Variants in GABRB1 observed in about 807,000 individuals in gnomAD.
GABRB1 encodes the protein gamma-aminobutyric acid receptor subunit beta-1.
In GABRB1, 17 loss-of-function variants were observed where a neutral mutation model predicts 51.6. The ratio of observed to expected loss-of-function variants is 0.33; its 90% CI spans 0.23 to 0.49. The LOEUF is 0.49. GABRB1 is among the 20% of genes least tolerant of loss of function. The probability of loss-of-function intolerance (pLI) is 0.99; values close to 1 mark genes in which losing one functional copy is unlikely to be tolerated. For synonymous variants in GABRB1, 247 were observed against 218.9 expected (o/e 1.13, Z -1.14); for missense variants, 410 against 600.6 (o/e 0.68, Z 3.32).
chr4:47,390,167 T>C (rs1020173393), intron 5 of GABRB1, among the ~76,000 whole-genome samples: 5 of 152,244 alleles, frequency 3.3e-5, no homozygotes, highest in African/African-American at 1.2e-4. Flanking sequence ...GCAACTAATT[T>C]GGCCAGGGGA....
intron 3 of GABRB1, among the ~76,000 whole-genome samples, chr4:47,085,378 T>G (rs771922971): frequency 2.0e-5 from 3 of 152,208 alleles, no homozygotes; most frequent in Admixed American, 6.5e-5. Flanking sequence ...CAAGACATTT[T>G]ATTTGCTTCC....
intron 4 of GABRB1, among the ~76,000 whole-genome samples, chr4:47,260,315 A>G (rs992822633): frequency 4.6e-5 from 7 of 152,092 alleles, no homozygotes; most frequent in African/African-American, 1.7e-4. Context: ...TGGAGCATTT[A>G]GTCCATTTAC....
chr4:47,221,894 A>T (rs575793958), intron 4 of GABRB1, among the ~76,000 whole-genome samples: 2 of 152,080 alleles, frequency 1.3e-5, no homozygotes, highest in Non-Finnish European at 2.9e-5. Context: ...GGCCAACAGC[A>T]CTATAACTCA....
chr4:47,219,127 C>A (rs1720666324), intron 4 of GABRB1, among the ~76,000 whole-genome samples: 2 of 151,694 alleles, frequency 1.3e-5, no homozygotes. Context: ...TTGTGGGATT[C>A]TTATGAGAAT....
At chr4:47,079,562 G>A (rs899418662) in intron 3 of GABRB1, among the ~76,000 whole-genome samples, 7 of 151,658 alleles carry the variant, frequency 4.6e-5, no homozygotes, top group Non-Finnish European at 1.0e-4. Flanking sequence ...TGTTTATTGC[G>A]GCACTGTTCA....
chr4:47,117,817 T>C (rs1039214699), intron 3 of GABRB1, among the ~76,000 whole-genome samples: 1 of 152,200 alleles, frequency 6.6e-6, no homozygotes, highest in African/African-American at 2.4e-5. Flanking sequence ...ATTTGTGTGA[T>C]AAGGAAAAAT....
intron 1 of GABRB1, among the ~76,000 whole-genome samples, chr4:47,018,575 G>A (rs183245960): frequency 1.7e-4 from 26 of 152,166 alleles, no homozygotes; most frequent in East Asian, 3.9e-4. Flanking sequence ...ACTCAAGAAC[G>A]TTACTAATAG....
chr4:47,263,488 G>T (rs1215280952), intron 4 of GABRB1, among the ~76,000 whole-genome samples: 2 of 152,148 alleles, frequency 1.3e-5, no homozygotes, highest in Admixed American at 1.3e-4. Flanking sequence ...GGACTTCACT[G>T]TGAAGGCTTC....
intron 4 of GABRB1, among the ~76,000 whole-genome samples, chr4:47,227,279 T>C (rs1000319963): frequency 3.3e-5 from 5 of 152,160 alleles, no homozygotes; most frequent in Admixed American, 6.6e-5. Flanking sequence ...AAATAACTCA[T>C]ATGTGTAAAA....
rs188468663 is a variant in GABRB1 at position 47,183,834 on chromosome 4, A to G, written c.461+22365A>G. Among the ~76,000 whole-genome samples the G allele has an allele frequency of 2.9e-3, 441 of 151,988 alleles. 1 individual carries two copies. The highest frequency in any genetic ancestry group is 4.9e-3 in the Non-Finnish European group (336 of 67,884). On this transcript the variant is annotated intron_variant, in intron 4 of 8. Transcript: ENST00000295454. The stretch of plus-strand genomic sequence containing the variant: ...CTTCTACATTCAAATAGATAATACC[A>G]TAGACCACTTAATTTCATTGACCTC...
intron 4 of GABRB1, among the ~76,000 whole-genome samples, chr4:47,293,770 T>C (rs978072440): frequency 2.0e-5 from 3 of 152,228 alleles, no homozygotes; most frequent in Non-Finnish European, 4.4e-5. Context: ...TTTCTTTGTT[T>C]CTATTGCTCC....
chr4:47,138,135 T>C (rs978772099), intron 3 of GABRB1, among the ~76,000 whole-genome samples: 2 of 152,086 alleles, frequency 1.3e-5, no homozygotes, highest in East Asian at 3.9e-4. Context: ...GATGGGACTC[T>C]ATGGTCTTCA....
chr4:47,027,529 T>C (rs923283256), upstream of GABRB1, among the ~76,000 whole-genome samples: 1 of 151,574 alleles, frequency 6.6e-6, no homozygotes. Flanking sequence ...TGGCTATTAA[T>C]ATAACCTGAA....
At chr4:47,361,795 G>A (rs904921170) in intron 5 of GABRB1, among the ~76,000 whole-genome samples, 2 of 152,126 alleles carry the variant, frequency 1.3e-5, no homozygotes, top group African/African-American at 4.8e-5. Flanking sequence ...GTTGATGATA[G>A]GTTTTGATGG....
chr4:47,275,097 C>G (rs1723027921), intron 4 of GABRB1, among the ~76,000 whole-genome samples: 2 of 152,260 alleles, frequency 1.3e-5, no homozygotes, highest in Admixed American at 1.3e-4. Context: ...TCCCAGTCAG[C>G]TTCCTGGAAC....
At chr4:47,302,073 C>T (rs1409991640) in intron 4 of GABRB1, among the ~76,000 whole-genome samples, 1 of 152,084 alleles carries the variant, frequency 6.6e-6, no homozygotes, top group Non-Finnish European at 1.5e-5. Context: ...CGGATATGTA[C>T]TTTGCCACAG....
intron 4 of GABRB1, among the ~76,000 whole-genome samples, chr4:47,246,890 T>C (rs191446461): frequency 2.6e-5 from 4 of 152,080 alleles, no homozygotes; most frequent in Admixed American, 1.3e-4. Context: ...TTCTTGCTGA[T>C]TTGTTTGAGT....
intron 3 of GABRB1, among the ~76,000 whole-genome samples, chr4:47,113,386 CAAA>C (rs760542350): frequency 9.3e-6 from 1 of 107,096 alleles, no homozygotes; most frequent in African/African-American, 3.3e-5. Context: ...ACTTCGTCTC[CAAA>C]AAAAAAAAAA....
chr4:47,191,546 G>A (rs1166493695), intron 4 of GABRB1, among the ~76,000 whole-genome samples: 2 of 152,140 alleles, frequency 1.3e-5, no homozygotes, highest in African/African-American at 2.4e-5. Context: ...CATGAAAGCT[G>A]AGTAGAATGA....
Sources: gnomAD v4.1 joint callset for allele counts (sites outside exome capture counted in the v4.1 genomes callset) on GRCh38, gnomAD v4.1.1 for gene constraint, MANE v1.5 for transcripts, NCBI Gene and HGNC (gene_info 2026-07-23, HGNC 2026-07-21) for gene names.